The following SYT1 variants were observed in gnomAD, a reference collection of about 807,000 sequenced individuals.
The protein encoded by SYT1 is synaptotagmin 1.
In SYT1, 8 loss-of-function variants were observed where a neutral mutation model predicts 44.8. The observed-to-expected ratio is 0.18, with a 90% CI of 0.10 to 0.32. SYT1 has a LOEUF of 0.32. Among genes scored for constraint, SYT1 ranks in the 10% least tolerant of loss-of-function variants. The pLI is 1.00. For synonymous variants in SYT1, 154 were observed against 188.8 expected, an observed-to-expected ratio of 0.82 and a Z score of 1.51; for missense variants, 286 against 509.3, an observed-to-expected ratio of 0.56 and a Z score of 4.22.
intron 8 of SYT1, among the ~76,000 whole-genome samples, chr12:79,325,733 T>G (rs1881581251): frequency 6.6e-6 from 1 of 152,212 alleles, no homozygotes; most frequent in South Asian, 2.1e-4. Flanking sequence ...GCCTCTGCCA[T>G]TCATGAGCCA....
At chr12:78,901,465 A>C (rs1262082486) in intron 1 of SYT1, among the ~76,000 whole-genome samples, 2 of 152,082 alleles carry the variant, frequency 1.3e-5, no homozygotes, top group Non-Finnish European at 2.9e-5. Context: ...CAGCAAAGGG[A>C]GGTCTTTTAT....
At chr12:79,210,759 T>C (rs2138533303) in intron 3 of SYT1, among the ~76,000 whole-genome samples, 1 of 152,300 alleles carries the variant, frequency 6.6e-6, no homozygotes, top group South Asian at 2.1e-4. Context: ...TCTGGAAAGG[T>C]ACCCAGTAAT....
intron 10 of SYT1, 54 bp downstream of exon 10, chr12:79,444,260 A>T: frequency 6.2e-7 from 1 of 1,601,152 alleles, no homozygotes; most frequent in South Asian, 1.1e-5. Flanking sequence ...TTCAGACCAC[A>T]TAAATTATAC....
At chr12:79,117,199 C>T (rs568359496) in intron 3 of SYT1, among the ~76,000 whole-genome samples, 1 of 152,204 alleles carries the variant, frequency 6.6e-6, no homozygotes, top group South Asian at 2.1e-4. Context: ...CTCAGTTTTA[C>T]TACAATTAAA....
chr12:79,388,440 A>C (rs1448015995), intron 9 of SYT1, among the ~76,000 whole-genome samples: 1 of 152,170 alleles, frequency 6.6e-6, no homozygotes, highest in African/African-American at 2.4e-5. Flanking sequence ...CACATCTGTA[A>C]TCATAACACT....
intron 4 of SYT1, among the ~76,000 whole-genome samples, chr12:79,252,183 C>CT (rs1459808376): frequency 6.6e-6 from 1 of 152,014 alleles, no homozygotes; most frequent in African/African-American, 2.4e-5. Flanking sequence ...GAGCAAGAAC[C>CT]TACTCTGAGA....
At chr12:79,220,071 T>C (rs1344534806) in intron 4 of SYT1, among the ~76,000 whole-genome samples, 2 of 152,100 alleles carry the variant, frequency 1.3e-5, no homozygotes, top group African/African-American at 2.4e-5. Context: ...TTATGGGAGA[T>C]TTTTTATTAC....
At chr12:79,259,502 G>A (rs921763403) in intron 4 of SYT1, among the ~76,000 whole-genome samples, 1 of 152,186 alleles carries the variant, frequency 6.6e-6, no homozygotes, top group African/African-American at 2.4e-5. Flanking sequence ...AGGAAGCAAA[G>A]ACTGGAGAAT....
At chr12:78,989,012 T>C (rs1435352635) in intron 2 of SYT1, among the ~76,000 whole-genome samples, 3 of 152,114 alleles carry the variant, frequency 2.0e-5, no homozygotes, top group East Asian at 1.9e-4. Context: ...AGAACCTATA[T>C]GACTTGTTGA....
chr12:79,442,761 C>G (rs1197875189), intron 9 of SYT1, among the ~76,000 whole-genome samples: 1 of 152,090 alleles, frequency 6.6e-6, no homozygotes, highest in African/African-American at 2.4e-5. Context: ...GCAGTTTTCT[C>G]TTCTAAAAAT....
intron 2 of SYT1, among the ~76,000 whole-genome samples, chr12:79,034,844 C>CT: frequency 6.6e-6 from 1 of 151,726 alleles, no homozygotes; most frequent in African/African-American, 2.4e-5. Flanking sequence ...GATATATGCC[C>CT]TTTTGATATA....
chr12:78,979,774 G>T (rs1403748460), intron 2 of SYT1, among the ~76,000 whole-genome samples: 1 of 151,904 alleles, frequency 6.6e-6, no homozygotes, highest in African/African-American at 2.4e-5. Flanking sequence ...TTTCCAAGTT[G>T]CCAAACAATG....
At chr12:79,424,085 G>A (rs1565951789) in intron 9 of SYT1, among the ~76,000 whole-genome samples, 1 of 152,008 alleles carries the variant, frequency 6.6e-6, no homozygotes, top group East Asian at 1.9e-4. Flanking sequence ...AGATTATAAA[G>A]AGAGTATTTG....
At chr12:79,352,321 T>A in intron 8 of SYT1, among the ~76,000 whole-genome samples, 1 of 152,126 alleles carries the variant, frequency 6.6e-6, no homozygotes, top group East Asian at 1.9e-4. Flanking sequence ...ACACATATAG[T>A]CATAATAAGG....
intron 3 of SYT1, among the ~76,000 whole-genome samples, chr12:79,094,259 CACTT>C (rs1451792240): frequency 1.3e-5 from 2 of 151,676 alleles, no homozygotes; most frequent in Admixed American, 6.6e-5. Context: ...AGTTTTATCT[CACTT>C]ACATCTATTT....
chr12:79,195,282 C>G (rs569331747), intron 3 of SYT1, among the ~76,000 whole-genome samples: 26 of 152,184 alleles, frequency 1.7e-4, no homozygotes, highest in African/African-American at 5.8e-4. Context: ...TTTCTTAACT[C>G]TTTTTCCTAT....
rs1050434052 is a variant in SYT1, at chr12:78,885,340, A to G, written c.-217+20231A>G. On this transcript the variant is annotated intron_variant, in intron 1 of 10. Transcript: ENST00000261205. Reference sequence around the variant, plus strand: ...GGGAAGAAGGAAGGAGGGAAGGAAGAAAGGAAGGAAGGAACGAAGGAAGGA... The same window carrying G: ...GGGAAGAAGGAAGGAGGGAAGGAAGGAAGGAAGGAAGGAACGAAGGAAGGA... 2.5e-3 allele frequency among the ~76,000 whole-genome samples: 74 copies of G among 29,902 alleles called. 1 individual carries two copies. Among genetic ancestry groups the G allele is most frequent in the East Asian group, 0.011 (8 of 696 alleles). 19.6% of individuals were successfully genotyped at this position (29,902 alleles called of 152,430 possible). A position where few individuals can be genotyped will look rare whatever the true frequency, so the allele number is the denominator to read the frequency against.
intron 3 of SYT1, among the ~76,000 whole-genome samples, chr12:79,207,215 AC>A (rs1874177336): frequency 6.6e-6 from 1 of 152,010 alleles, no homozygotes; most frequent in African/African-American, 2.4e-5. Context: ...GCTCTTTCCC[AC>A]CTTTAGAGCC....
rs147909945 is a variant in SYT1 at position 79,057,437 on chromosome 12, G to T, written c.-18+10075G>T. Among the ~76,000 whole-genome samples, 56 of 152,054 alleles carry T rather than the reference G, an allele frequency of 3.7e-4. 1 individual carries two copies. The East Asian group carries it at 0.01, about 28-fold the overall frequency. On this transcript the variant is annotated intron_variant, in intron 3 of 10. Coordinates refer to ENST00000261205, the MANE Select transcript of SYT1 (RefSeq NM_005639.3). The stretch of plus-strand genomic sequence containing the variant: ...AATGATATTATACAATTTTTCAATA[G>T]TCTGAAATATATTATAAGAAATAAT...
Sources: gnomAD v4.1 joint callset for allele counts (sites outside exome capture counted in the v4.1 genomes callset) on GRCh38, gnomAD v4.1.1 for gene constraint, MANE v1.5 for transcripts, NCBI Gene and HGNC (gene_info 2026-07-23, HGNC 2026-07-21) for gene names.